The following PRMT6 variants were observed in gnomAD, a reference collection of about 807,000 sequenced individuals.
The protein encoded by PRMT6 is protein arginine methyltransferase 6, also known as protein arginine N-methyltransferase 6.
A neutral mutation model predicts 30.5 loss-of-function variants in PRMT6; 23 were observed. The ratio of observed to expected loss-of-function variants is 0.75; its 90% CI spans 0.54 to 1.07. The LOEUF is 1.07. Among genes scored for constraint, PRMT6 ranks in the 50% least tolerant of loss-of-function variants. The pLI is 0.00. For synonymous variants in PRMT6, 265 were observed against 228.0 expected (o/e 1.16, Z -1.46); for missense variants, 528 against 514.3 (o/e 1.03, Z -0.26).
At position 107,057,222 on chromosome 1, in the gene PRMT6, C is replaced by T. The variant is rs1024874357; in HGVS notation, c.507C>T (p.Ser169=). The T allele has an allele frequency of 3.1e-6, 5 of 1,613,784 alleles. No individual in the cohort carries two copies. Among genetic ancestry groups the T allele is most frequent in the Non-Finnish European group, 3.4e-6 (4 of 1,180,036 alleles). Residue 169 remains serine (S), a synonymous_variant, in exon 1 of 1, where the codon TCC becomes TCT. Transcript: ENST00000370078. ...TCCTGCACGAGTCCATGCTGAGCTC[C>T]GTCCTCCACGCGCGAACCAAGTGGC... ...YGLLHESMLS[S]VLHARTKWLK...
Position 107,057,764 on chromosome 1 carries a change from C to T in PRMT6, c.1049C>T (p.Pro350Leu). 6 of 1,613,548 alleles carry T rather than the reference C, an allele frequency of 3.7e-6. No individual in the cohort carries two copies. Among genetic ancestry groups the T allele is most frequent in the Non-Finnish European group, 5.1e-6 (6 of 1,179,716 alleles). ...ACGCTGCTGCCCTCCCGGGACAACC[C>T]CCGTCGCCTGCGCGTGCTGCTGCGC... The part of the protein sequence containing the change: ...EITLLPSRDN[P>L]RRLRVLLRYK... The change falls in exon 1 of 1, where the codon CCC (proline) becomes CTC (leucine). Residue 350 changes from proline to leucine, a missense_variant. By Grantham distance (98) the Pro-to-Leu change is moderately conservative. Coordinates refer to ENST00000370078, the MANE Select transcript of PRMT6 (RefSeq NM_018137.3).
Position 107,056,862 on chromosome 1 carries a change from GT to G in PRMT6, c.148del (p.Cys50AlafsTer11), listed in dbSNP as rs966904496. On this transcript the variant is annotated frameshift_variant, in exon 1 of 1. Transcript: ENST00000370078. LOFTEE classifies it high-confidence loss of function. ...KRERDQLYYE[C>X]YSDVSVHEEM... ...GGGAACGGGACCAGCTGTACTACGA[GT>G]GCTACTCGGACGTTTCGGTCCACGA... The G allele has an allele frequency of 2.5e-6, 4 of 1,613,496 alleles. No individual in the cohort carries two copies. In the African/African-American group the frequency reaches 4.0e-5, roughly 16 times the overall value.
rs1456822098 is a variant in PRMT6 at position 107,057,175 on chromosome 1, A to G, written c.460A>G (p.Ser154Gly). 2 of 1,610,688 alleles carry G rather than the reference A, an allele frequency of 1.2e-6. No individual in the cohort carries two copies. Among genetic ancestry groups the G allele is most frequent in the Non-Finnish European group, 1.7e-6 (2 of 1,180,008 alleles). Reference protein sequence around the residue: ...ELPEQVDAIVSEWMGYGLLHE... With the variant: ...ELPEQVDAIVGEWMGYGLLHE... ...GCCGGAACAGGTGGATGCCATCGTGAGCGAGTGGATGGGCTACGGACTCCT... is the reference window on the plus strand; with the variant it reads ...GCCGGAACAGGTGGATGCCATCGTGGGCGAGTGGATGGGCTACGGACTCCT... The change falls in exon 1 of 1, where the codon AGC (serine) becomes GGC (glycine). Residue 154 changes from serine to glycine, a missense_variant. Ser to Gly is a moderately conservative substitution (Grantham distance 56, BLOSUM62 0). Transcript: ENST00000370078.
rs757069394 is a variant in PRMT6, at chr1:107,058,807, A to G, written c.*964A>G. On this transcript the variant is annotated 3_prime_UTR_variant, in exon 1 of 1. Coordinates refer to ENST00000370078, the MANE Select transcript of PRMT6 (RefSeq NM_018137.3). ...TACTCATTCTCATTTAAACTCTCTC[A>G]TTTGGAGGGATCATGTGAGTTGGCC... The G allele has an allele frequency of 7.2e-5, 12 of 167,074 alleles. No homozygotes were observed. Among genetic ancestry groups the G allele is most frequent in the African/African-American group, 2.4e-4 (10 of 41,446 alleles). 10.3% of individuals were successfully genotyped at this position (167,074 alleles called of 1,614,324 possible). A position where few individuals can be genotyped will look rare whatever the true frequency, so the allele number is the denominator to read the frequency against.
rs983905208 is a variant in PRMT6 at position 107,059,095 on chromosome 1, G to A, written c.*1252G>A. The A allele has an allele frequency of 6.0e-6, 1 of 166,880 alleles. No individual in the cohort carries two copies. Among genetic ancestry groups the A allele is most frequent in the Non-Finnish European group, 1.5e-5 (1 of 68,092 alleles). The allele number at this position is 166,880 out of a possible 1,614,324, so 10.3% of individuals were successfully genotyped here. On this transcript the variant is annotated 3_prime_UTR_variant, in exon 1 of 1. Coordinates refer to ENST00000370078, the MANE Select transcript of PRMT6 (RefSeq NM_018137.3). ...TGCTTTTGCCTTTTTAATATTATTAGTTCTTAAGTGTTACAGCCCCTTCAG... is the reference window on the plus strand; with the variant it reads ...TGCTTTTGCCTTTTTAATATTATTAATTCTTAAGTGTTACAGCCCCTTCAG...
At position 107,057,640 on chromosome 1, in the gene PRMT6, A is replaced by T; in HGVS notation, c.925A>T (p.Thr309Ser). 2 of 1,613,984 alleles carry T rather than the reference A, an allele frequency of 1.2e-6. No homozygotes were observed. The highest frequency in any genetic ancestry group is 1.7e-6 in the Non-Finnish European group (2 of 1,179,996). ...GTCGGAGAAACCCCTGGTGCTGTCC[A>T]CCTCGCCTTTTCACCCGGCCACTCA... is the stretch of plus-strand genomic sequence containing the variant. ...GESEKPLVLS[T>S]SPFHPATHWK... The change falls in exon 1 of 1, where the codon ACC becomes TCC. Residue 309 changes from threonine (T) to serine (S), a missense_variant. Physicochemically the swap from Thr to Ser is moderately conservative, Grantham distance 58 (BLOSUM62 1). Transcript: ENST00000370078.
Position 107,057,693 on chromosome 1 carries a change from C to T in PRMT6, c.978C>T (p.Asn326=). The stretch of plus-strand genomic sequence containing the variant: ...GGAAACAGGCGCTCCTCTACCTGAA[C>T]GAGCCGGTGCAAGTGGAGCAAGACA... ...THWKQALLYL[N]EPVQVEQDTD... The change falls in exon 1 of 1, where the codon AAC becomes AAT. Residue 326 remains asparagine (N), a synonymous_variant. Coordinates refer to ENST00000370078, the MANE Select transcript of PRMT6 (RefSeq NM_018137.3). 1 of 1,609,350 alleles carries T rather than the reference C, an allele frequency of 6.2e-7. No homozygotes were observed. The highest frequency in any genetic ancestry group is 8.5e-7 in the Non-Finnish European group (1 of 1,178,592).
chr1:107,057,521 C>A lies in PRMT6; in HGVS notation c.806C>A (p.Ala269Asp), dbSNP rs748001157. ...SRAGLEQELEAGVGGRFRCSC... is the reference protein window; with the variant it reads ...SRAGLEQELEDGVGGRFRCSC... The stretch of plus-strand genomic sequence containing the variant: ...GCCGGCTTGGAGCAGGAGCTGGAGG[C>A]CGGAGTGGGCGGGCGCTTCCGCTGC... The change falls in exon 1 of 1, where the codon GCC (alanine) becomes GAC (aspartate). Residue 269 changes from alanine (A) to aspartate (D), a missense_variant. Coordinates refer to ENST00000370078, the MANE Select transcript of PRMT6 (RefSeq NM_018137.3). The A allele has an allele frequency of 6.2e-7, 1 of 1,613,470 alleles. No individual in the cohort carries two copies. The highest frequency in any genetic ancestry group is 2.2e-5 in the East Asian group (1 of 44,870).
In PRMT6 at chr1:107,058,973, C is replaced by A. The variant is rs1651792039; in HGVS notation, c.*1130C>A. ...GTGAATCTTGTTATCAAATTTATTT[C>A]TCTGATGTTTCCTTCCTTATCCTTG... On this transcript the variant is annotated 3_prime_UTR_variant, in exon 1 of 1. Coordinates refer to ENST00000370078, the MANE Select transcript of PRMT6 (RefSeq NM_018137.3). 1 of 167,020 alleles carries A rather than the reference C, an allele frequency of 6.0e-6. No homozygotes were observed. The highest frequency in any genetic ancestry group is 1.5e-5 in the Non-Finnish European group (1 of 68,094). 10.3% of individuals were successfully genotyped at this position (167,020 alleles called of 1,614,324 possible).
chr1:107,057,653 A>G lies in PRMT6; in HGVS notation c.938A>G (p.His313Arg). Residue 313 changes from histidine to arginine, a missense_variant, in exon 1 of 1, where the codon CAC becomes CGC. His to Arg is a conservative substitution (Grantham distance 29, BLOSUM62 0). Transcript: ENST00000370078. Reference protein sequence around the residue: ...KPLVLSTSPFHPATHWKQALL... With the variant: ...KPLVLSTSPFRPATHWKQALL... ...CTGGTGCTGTCCACCTCGCCTTTTC[A>G]CCCGGCCACTCACTGGAAACAGGCG... 6.2e-7 allele frequency: 1 copy of G among 1,613,990 alleles called. No homozygotes were observed. The highest frequency in any genetic ancestry group is 8.5e-7 in the Non-Finnish European group (1 of 1,179,988).
In PRMT6 at chr1:107,057,451, G is replaced by C. The variant is rs779702003; in HGVS notation, c.736G>C (p.Val246Leu). ...IVVQGLSGED[V>L]LARPQRFAQL... is the part of the protein sequence containing the mutation. ...TGTGCAGGGATTGTCCGGCGAGGAC[G>C]TGCTGGCCCGGCCGCAGCGCTTTGC... The change falls in exon 1 of 1, where the codon GTG (valine) becomes CTG (leucine). Residue 246 changes from valine to leucine, a missense_variant. Physicochemically the swap from Val to Leu is conservative, Grantham distance 32. Transcript: ENST00000370078. 4 of 1,613,062 alleles carry C rather than the reference G, an allele frequency of 2.5e-6. No homozygotes were observed. In the South Asian group the frequency reaches 3.3e-5, roughly 13 times the overall value.
At position 107,057,882 on chromosome 1, in the gene PRMT6, GA is replaced by G. The variant is rs912327398; in HGVS notation, c.*40del. The stretch of plus-strand genomic sequence containing the variant: ...TCCCAGCTACCTCCCAAAGCAGCCT[GA>G]CCTGCGTGGGAGAGGCGTAGCGAGG... On this transcript the variant is annotated 3_prime_UTR_variant, in exon 1 of 1. Transcript: ENST00000370078. 4 of 1,552,718 alleles carry G rather than the reference GA, an allele frequency of 2.6e-6. No individual in the cohort carries two copies. Among genetic ancestry groups the G allele is most frequent in the African/African-American group, 2.7e-5 (2 of 73,116 alleles).
In PRMT6 at chr1:107,058,022, G is replaced by A; in HGVS notation, c.*179G>A. 1 of 862,142 alleles carries A rather than the reference G, an allele frequency of 1.2e-6. No homozygotes were observed. Among genetic ancestry groups the A allele is most frequent in the East Asian group, 2.7e-5 (1 of 37,458 alleles). 53.4% of individuals were successfully genotyped at this position (862,142 alleles called of 1,614,324 possible). ...TTCTCCATTTGAAGAGATTCTTCTG[G>A]TGATGTTTACTTAAAAAGTGATCCC... On this transcript the variant is annotated 3_prime_UTR_variant, in exon 1 of 1. Transcript: ENST00000370078.
chr1:107,057,560 C>T lies in PRMT6; in HGVS notation c.845C>T (p.Ser282Leu), dbSNP rs762218213. Residue 282 changes from serine (S) to leucine (L), a missense_variant, in exon 1 of 1, where the codon TCG becomes TTG. Transcript: ENST00000370078. ...GGRFRCSCYG[S>L]APMHGFAIWF... ...CGCTTCCGCTGCAGCTGCTATGGCT[C>T]GGCGCCCATGCATGGCTTTGCCATC... is the stretch of plus-strand genomic sequence containing the variant. The T allele has an allele frequency of 1.9e-6, 3 of 1,613,778 alleles. No individual in the cohort carries two copies. Among genetic ancestry groups the T allele is most frequent in the South Asian group, 1.1e-5 (1 of 91,074 alleles).
Position 107,057,747 on chromosome 1 carries a change from G to A in PRMT6, c.1032G>A (p.Leu344=). 6.2e-7 allele frequency: 1 copy of A among 1,614,046 alleles called. No homozygotes were observed. Among genetic ancestry groups the A allele is most frequent in the Non-Finnish European group, 8.5e-7 (1 of 1,179,916 alleles). Residue 344 remains leucine, a synonymous_variant, in exon 1 of 1, where the codon CTG becomes CTA. Coordinates refer to ENST00000370078, the MANE Select transcript of PRMT6 (RefSeq NM_018137.3). Reference sequence around the variant, plus strand: ...ACGTTTCAGGAGAGATCACGCTGCTGCCCTCCCGGGACAACCCCCGTCGCC... The same window carrying A: ...ACGTTTCAGGAGAGATCACGCTGCTACCCTCCCGGGACAACCCCCGTCGCC... ...DTDVSGEITL[L]PSRDNPRRLR...
At position 107,057,227 on chromosome 1, in the gene PRMT6, T is replaced by A; in HGVS notation, c.512T>A (p.Leu171His). 2 of 1,613,908 alleles carry A rather than the reference T, an allele frequency of 1.2e-6. No individual in the cohort carries two copies. The highest frequency in any genetic ancestry group is 1.1e-5 in the South Asian group (1 of 91,082). Residue 171 changes from leucine to histidine, a missense_variant, in exon 1 of 1, where the codon CTC becomes CAC. Leu to His is a moderately conservative substitution (Grantham distance 99, BLOSUM62 -3). Transcript: ENST00000370078. ...CACGAGTCCATGCTGAGCTCCGTCC[T>A]CCACGCGCGAACCAAGTGGCTGAAG... ...LLHESMLSSV[L>H]HARTKWLKEG...
Position 107,058,119 on chromosome 1 carries a change from A to G in PRMT6, c.*276A>G. The G allele has an allele frequency of 2.0e-6, 1 of 504,360 alleles. No homozygotes were observed. The highest frequency in any genetic ancestry group is 4.0e-5 in the East Asian group (1 of 24,826). The allele number at this position is 504,360 out of a possible 1,614,324, so 31.2% of individuals were successfully genotyped here. A position where few individuals can be genotyped will look rare whatever the true frequency, so the allele number is the denominator to read the frequency against. Reference sequence around the variant, plus strand: ...AAAGCATGTAGTACCAAGCACTTGTATTTCCGTATATTTTGTTTCGCGGGG... The same window carrying G: ...AAAGCATGTAGTACCAAGCACTTGTGTTTCCGTATATTTTGTTTCGCGGGG... On this transcript the variant is annotated 3_prime_UTR_variant, in exon 1 of 1. Transcript: ENST00000370078.
At position 107,057,700 on chromosome 1, in the gene PRMT6, G is replaced by T; in HGVS notation, c.985G>T (p.Val329Leu). 6.2e-7 allele frequency: 1 copy of T among 1,614,266 alleles called. No homozygotes were observed. The highest frequency in any genetic ancestry group is 8.5e-7 in the Non-Finnish European group (1 of 1,180,052). Residue 329 changes from valine (V) to leucine (L), a missense_variant, in exon 1 of 1, where the codon GTG (valine) becomes TTG (leucine). Val to Leu is a conservative substitution (Grantham distance 32). Transcript: ENST00000370078. The stretch of plus-strand genomic sequence containing the variant: ...GGCGCTCCTCTACCTGAACGAGCCG[G>T]TGCAAGTGGAGCAAGACACGGACGT... ...KQALLYLNEP[V>L]QVEQDTDVSG...
chr1:107,057,051 G>A lies in PRMT6; in HGVS notation c.336G>A (p.Glu112=), dbSNP rs758655801. Residue 112 remains glutamate (E), a synonymous_variant, in exon 1 of 1, where the codon GAG becomes GAA. Coordinates refer to ENST00000370078, the MANE Select transcript of PRMT6 (RefSeq NM_018137.3). ...QAGARRVYAV[E]ASAIWQQARE... ...GGGCCCGGCGCGTGTACGCGGTAGA[G>A]GCCAGCGCCATCTGGCAACAGGCCC... The A allele has an allele frequency of 6.2e-7, 1 of 1,612,302 alleles. No homozygotes were observed. Among genetic ancestry groups the A allele is most frequent in the East Asian group, 2.2e-5 (1 of 44,862 alleles).
Sources: allele counts gnomAD v4.1 joint callset, GRCh38; gene constraint gnomAD v4.1.1; transcripts MANE v1.5; gene names NCBI Gene and HGNC (gene_info 2026-07-23, HGNC 2026-07-21).